CNTN2: variants seen among roughly 807,000 people sequenced by gnomAD.
The protein encoded by CNTN2 is contactin-2.
Under a neutral mutation model 117.5 loss-of-function variants are expected in CNTN2, and 53 were observed. The observed-to-expected ratio is 0.45, with a 90% CI of 0.36 to 0.57. The LOEUF is 0.57. Ranked by LOEUF, CNTN2 falls within the 20% of genes least tolerant of loss-of-function variation. The pLI is 0.00. For synonymous variants in CNTN2, 530 were observed against 561.7 expected, an observed-to-expected ratio of 0.94 and a Z score of 0.80; for missense variants, 1,106 against 1,404.3, an observed-to-expected ratio of 0.79 and a Z score of 3.39.
intron 1 of CNTN2, among the ~76,000 whole-genome samples, chr1:205,049,437 T>C (rs2096448472): frequency 7.0e-6 from 1 of 142,038 alleles, no homozygotes. Flanking sequence ...CACAGGGACA[T>C]ATAGACACAA....
At chr1:205,044,233 C>T (rs987681688) in intron 1 of CNTN2, among the ~76,000 whole-genome samples, 3 of 152,154 alleles carry the variant, frequency 2.0e-5, no homozygotes, top group Non-Finnish European at 4.4e-5. Context: ...AATCCTTCTG[C>T]CCAGCACCGT....
rs1653851595 is a variant in CNTN2, at chr1:205,059,483, G to C, written c.698-100G>C. 3 of 1,282,728 alleles carry C rather than the reference G, an allele frequency of 2.3e-6. No homozygotes were observed. In the East Asian group the frequency reaches 6.9e-5, roughly 30 times the overall value. The allele number at this position is 1,282,728 out of a possible 1,614,324, so 79.5% of individuals were successfully genotyped here. On this transcript the variant is annotated intron_variant, in intron 6 of 22. Transcript: ENST00000331830. This position sits in a 1 kb window ranked among gnomAD's most constrained non-coding sequence, Gnocchi z 5.6. ...GGCCTCAAGGAGATTCCACACAGCT[G>C]CCTAGACAGAGTTGGCTCTGAAAGG...
rs1338367651 is a variant in CNTN2, at chr1:205,046,928, GTC to G, written c.-87+3540_-87+3541del. On this transcript the variant is annotated intron_variant, in intron 1 of 22. Coordinates refer to ENST00000331830, the MANE Select transcript of CNTN2 (RefSeq NM_005076.5). The stretch of plus-strand genomic sequence containing the variant: ...TTCTGTCCACTCCCTACTTTAAAGG[GTC>G]TCTCTGTTAGAGTAGGTCTCTCTTG... 4.6e-5 allele frequency among the ~76,000 whole-genome samples: 7 copies of G among 152,098 alleles called. No individual in the cohort carries two copies. In the East Asian group the frequency reaches 1.3e-3, roughly 29 times the overall value.
Position 205,075,243 on chromosome 1 carries a change from AG to A in CNTN2, c.*1482del, listed in dbSNP as rs1322345505. 1 of 197,236 alleles carries A rather than the reference AG, an allele frequency of 5.1e-6. No individual in the cohort carries two copies. The highest frequency in any genetic ancestry group is 1.0e-5 in the Non-Finnish European group (1 of 98,040). The allele number at this position is 197,236 out of a possible 1,614,324, so 12.2% of individuals were successfully genotyped here. The stretch of plus-strand genomic sequence containing the variant: ...AGTAGGGTGTGAAAATTCTACTTCA[AG>A]GGGTTCGGATTGGTGATCATGGGGA... On this transcript the variant is annotated 3_prime_UTR_variant, in exon 23 of 23. Coordinates refer to ENST00000331830, the MANE Select transcript of CNTN2 (RefSeq NM_005076.5).
intron 18 of CNTN2, 113 bp downstream of exon 18, chr1:205,070,174 G>A: frequency 9.7e-7 from 1 of 1,029,698 alleles, no homozygotes; most frequent in Non-Finnish European, 1.4e-6. Context: ...AGGAGGTTGA[G>A]AGGACACCTG....
chr1:205,066,606 G>A lies in CNTN2; in HGVS notation c.1975+7G>A, dbSNP rs1654305122. 6.2e-7 allele frequency: 1 copy of A among 1,613,674 alleles called. No homozygotes were observed. Among genetic ancestry groups the A allele is most frequent in the Admixed American group, 1.7e-5 (1 of 60,000 alleles). On this transcript the variant is annotated splice_region_variant and intron_variant, in intron 15 of 22. Transcript: ENST00000331830. ...TGGAAGCAGGTTCGGACCAGTAAGTGTGAGCCCCACCTGGGTCAGTGCTGA... is the reference window on the plus strand; with the variant it reads ...TGGAAGCAGGTTCGGACCAGTAAGTATGAGCCCCACCTGGGTCAGTGCTGA...
Position 205,058,115 on chromosome 1 carries a change from T to C in CNTN2, c.215+50T>C. The C allele has an allele frequency of 6.2e-7, 1 of 1,603,784 alleles. No homozygotes were observed. The highest frequency in any genetic ancestry group is 8.5e-7 in the Non-Finnish European group (1 of 1,175,002). On this transcript the variant is annotated intron_variant, in intron 3 of 22. Coordinates refer to ENST00000331830, the MANE Select transcript of CNTN2 (RefSeq NM_005076.5). This position sits in a 1 kb window ranked among gnomAD's most constrained non-coding sequence, Gnocchi z 4.3. The stretch of plus-strand genomic sequence containing the variant: ...GGAGGCCCTGGGCAGCCGTTGAACT[T>C]TCCCTCTCATCAGCCCTGCCACCAG...
rs1306745437 is a variant in CNTN2, at chr1:205,064,452, G to C, written c.1371G>C (p.Glu457Asp). The C allele has an allele frequency of 4.3e-6, 7 of 1,610,628 alleles. No homozygotes were observed. Among genetic ancestry groups the C allele is most frequent in the Non-Finnish European group, 5.9e-6 (7 of 1,177,150 alleles). Residue 457 changes from glutamate (E) to aspartate (D), a missense_variant, in exon 11 of 23, where the codon GAG becomes GAC. By Grantham distance (45) the Glu-to-Asp change is conservative. Coordinates refer to ENST00000331830, the MANE Select transcript of CNTN2 (RefSeq NM_005076.5). ...TGGTGCTCTGGAGCAAAGGCACGGA[G>C]ATTTTGGTCAACAGCAGCAGGTACC... ...KAVVLWSKGT[E>D]ILVNSSRVTV... is the part of the protein sequence containing the mutation.
At position 205,048,910 on chromosome 1, in the gene CNTN2, CGTGTGTGTGTGTGTGTGTGTGT is replaced by C. The variant is rs4017875; in HGVS notation, c.-86-4161_-86-4140del. On this transcript the variant is annotated intron_variant, in intron 1 of 22. Transcript: ENST00000331830. This position sits in a 1 kb window ranked among gnomAD's most constrained non-coding sequence, Gnocchi z 4.1. ...GCTCCAGCCTTTAGCCCAGACTCTG[CGTGTGTGTGTGTGTGTGTGTGT>C]GTGTGTGTGTGTGTGTGTGTGTGTG... Among the ~76,000 whole-genome samples, 15 of 127,878 alleles carry C rather than the reference CGTGTGTGTGTGTGTGTGTGTGT, an allele frequency of 1.2e-4. No homozygotes were observed. In the East Asian group the frequency reaches 3.4e-3, roughly 29 times the overall value. 83.9% of individuals were successfully genotyped at this position (127,878 alleles called of 152,430 possible). A position where few individuals can be genotyped will look rare whatever the true frequency, so the allele number is the denominator to read the frequency against.
rs573652423 is a variant in CNTN2, at chr1:205,059,095, C to T, written c.499C>T (p.Arg167Cys). ...TCCTCACATCCTAGGCTTGTCCTAC[C>T]GCTGGCTCCTCAACGAGTTCCCCAA... ...PPAHYPGLSY[R>C]WLLNEFPNFI... Residue 167 changes from arginine to cysteine, a missense_variant, in exon 6 of 23, where the codon CGC (arginine) becomes TGC (cysteine). By Grantham distance (180) the Arg-to-Cys change is radical. Transcript: ENST00000331830. This position sits in a 1 kb window ranked among gnomAD's most constrained non-coding sequence, Gnocchi z 5.6. 1.9e-6 allele frequency: 3 copies of T among 1,614,170 alleles called. No individual in the cohort carries two copies. The highest frequency in any genetic ancestry group is 1.7e-6 in the Non-Finnish European group (2 of 1,180,036).
chr1:205,069,520 G>A lies in CNTN2; in HGVS notation c.2155G>A (p.Gly719Arg), dbSNP rs144056952. The A allele has an allele frequency of 1.1e-3, 1,836 of 1,613,984 alleles. 3 individuals are homozygous for A. Among genetic ancestry groups the A allele is most frequent in the Non-Finnish European group, 1.3e-3 (1,532 of 1,180,030 alleles). ...CTCGGTGGCACCCTCAGGACTCAGCGGAGGAGGTGGAGCCCCCGGAGAGCT... is the reference window on the plus strand; with the variant it reads ...CTCGGTGGCACCCTCAGGACTCAGCAGAGGAGGTGGAGCCCCCGGAGAGCT... Reference protein sequence around the residue: ...APSVAPSGLSGGGGAPGELIV... With the variant: ...APSVAPSGLSRGGGAPGELIV... The change falls in exon 17 of 23, where the codon GGA becomes AGA. Residue 719 changes from glycine (G) to arginine (R), a missense_variant. Gly to Arg is a moderately radical substitution (Grantham distance 125). Coordinates refer to ENST00000331830, the MANE Select transcript of CNTN2 (RefSeq NM_005076.5).
At chr1:205,055,026 G>T (rs960640018) in intron 2 of CNTN2, among the ~76,000 whole-genome samples, 1 of 151,980 alleles carries the variant, frequency 6.6e-6, no homozygotes, top group East Asian at 1.9e-4. Context: ...TTTTGTTTTT[G>T]TTTTTGAGAT....
intron 18 of CNTN2, 55 bp from the exon 19 acceptor site, chr1:205,070,371 C>G (rs1654528447): frequency 7.7e-7 from 1 of 1,297,728 alleles, no homozygotes; most frequent in Non-Finnish European, 1.1e-6. Flanking sequence ...GGGGGCTGCT[C>G]TGCAGGACAC....
chr1:205,059,865 G>A lies in CNTN2; in HGVS notation c.797+183G>A, dbSNP rs1304196218. The A allele has an allele frequency of 1.0e-5, 6 of 594,392 alleles. No individual in the cohort carries two copies. Among genetic ancestry groups the A allele is most frequent in the East Asian group, 2.8e-5 (1 of 35,578 alleles). 36.8% of individuals were successfully genotyped at this position (594,392 alleles called of 1,614,324 possible). On this transcript the variant is annotated intron_variant, in intron 7 of 22. Transcript: ENST00000331830. The surrounding 1 kb of genome is among the most constrained non-coding windows in gnomAD (Gnocchi z 5.6). ...ACAGTACCTCTCTGGGTGAGGCATCGCATATGCCAGGGGCCTTCCATGGCC... is the reference window on the plus strand; with the variant it reads ...ACAGTACCTCTCTGGGTGAGGCATCACATATGCCAGGGGCCTTCCATGGCC...
Position 205,066,531 on chromosome 1 carries a change from G to A in CNTN2, c.1907G>A (p.Ser636Asn). ...LSWSRGFDNH[S>N]PIAKYTLQAR... Reference sequence around the variant, plus strand: ...TGGAGCCGTGGCTTCGACAACCACAGCCCCATCGCTAAGTACACCCTGCAA... The same window carrying A: ...TGGAGCCGTGGCTTCGACAACCACAACCCCATCGCTAAGTACACCCTGCAA... Residue 636 changes from serine to asparagine, a missense_variant, in exon 15 of 23, where the codon AGC becomes AAC. Physicochemically the swap from Ser to Asn is conservative, Grantham distance 46 (BLOSUM62 1). Transcript: ENST00000331830. The A allele has an allele frequency of 6.2e-7, 1 of 1,614,134 alleles. No individual in the cohort carries two copies. Among genetic ancestry groups the A allele is most frequent in the South Asian group, 1.1e-5 (1 of 91,088 alleles).
At chr1:205,044,099 C>A (rs954697742) in intron 1 of CNTN2, among the ~76,000 whole-genome samples, 2 of 152,162 alleles carry the variant, frequency 1.3e-5, no homozygotes, top group African/African-American at 2.4e-5. Flanking sequence ...CCCTCCCCCC[C>A]ATCCTCACTG....
chr1:205,072,852 G>T, intron 21 of CNTN2: 1 of 635,444 alleles, frequency 1.6e-6, no homozygotes, highest in Non-Finnish European at 2.7e-6. Context: ...ATGGAGTATG[G>T]GGGTTCTTCT....
intron 1 of CNTN2, among the ~76,000 whole-genome samples, chr1:205,046,168 T>C (rs898372295): frequency 1.3e-5 from 2 of 152,184 alleles, no homozygotes; most frequent in African/African-American, 4.8e-5. Flanking sequence ...CTTAGTTTGA[T>C]GATTCCTTGC....
In CNTN2 at chr1:205,058,371, G is replaced by C. The variant is rs1302280479; in HGVS notation, c.391+15G>C. On this transcript the variant is annotated intron_variant, in intron 4 of 22. Coordinates refer to ENST00000331830, the MANE Select transcript of CNTN2 (RefSeq NM_005076.5). The surrounding 1 kb of genome is among the most constrained non-coding windows in gnomAD (Gnocchi z 4.3). ...CCGCTTCGGCTGTGAGACCCGCGGG[G>C]GACCAAGACACTTTGGGGGAGGGGG... 2.6e-6 allele frequency: 4 copies of C among 1,531,332 alleles called. No individual in the cohort carries two copies. Among genetic ancestry groups the C allele is most frequent in the Non-Finnish European group, 3.5e-6 (4 of 1,137,164 alleles). 94.9% of individuals were successfully genotyped at this position (1,531,332 alleles called of 1,614,324 possible).
Sources: allele counts gnomAD v4.1 joint callset (sites outside exome capture counted in the v4.1 genomes callset), GRCh38; gene constraint gnomAD v4.1.1; non-coding constraint Gnocchi (gnomAD v3.1); transcripts MANE v1.5; gene names NCBI Gene and HGNC (gene_info 2026-07-23, HGNC 2026-07-21).